Variants in DDX11 observed in about 807,000 individuals in gnomAD.
The protein encoded by DDX11 is DEAD/H-box helicase 11, also known as ATP-dependent DNA helicase DDX11.
DDX11 carries 72 observed loss-of-function variants against 125.2 expected under a neutral mutation model. The observed-to-expected ratio is 0.58, with a 90% CI of 0.48 to 0.70. The LOEUF (loss-of-function observed/expected upper bound fraction) is 0.70, where lower values mean the gene tolerates loss of function less well. DDX11 is among the 30% of genes least tolerant of loss of function. The probability of loss-of-function intolerance (pLI) is 0.00; values close to 1 mark genes in which losing one functional copy is unlikely to be tolerated. For missense variants in DDX11, 883 were observed against 1,165.0 expected, an observed-to-expected ratio of 0.76 and a Z score of 3.52; for synonymous variants, 347 against 452.6, an observed-to-expected ratio of 0.77 and a Z score of 2.96.
At chr12:31,084,437 GA>G in intron 3 of DDX11, 145 bp from the exon 4 acceptor site, 1 of 796,608 alleles carries the variant, frequency 1.3e-6, no homozygotes, top group Non-Finnish European at 2.2e-6. Context: ...GAGGTCCCGG[GA>G]GGGGATGCGG....
At position 31,104,046 on chromosome 12, in the gene DDX11, G is replaced by A. The variant is rs1159026113; in HGVS notation, c.*210G>A. ...GAATCCTGAATGAACAGTGGGTCCT[G>A]GCTGTCCTTGGGGCGTTCCAGGGCA... On this transcript the variant is annotated 3_prime_UTR_variant, in exon 27 of 27. Coordinates refer to ENST00000542838, the MANE Select transcript of DDX11 (RefSeq NM_030653.4). The A allele has an allele frequency of 3.2e-6, 5 of 1,548,506 alleles. No homozygotes were observed. The highest frequency in any genetic ancestry group is 2.4e-5 in the East Asian group (1 of 40,830).
chr12:31,078,187 G>A (rs1941077105), intron 1 of DDX11: 2 of 1,510,950 alleles, frequency 1.3e-6, no homozygotes, highest in South Asian at 2.4e-5. Context: ...GCCGTTAAAT[G>A]CCGCTAGATG....
chr12:31,098,231 C>T (rs1174414294), intron 18 of DDX11, among the ~76,000 whole-genome samples: 1 of 152,260 alleles, frequency 6.6e-6, no homozygotes, highest in Non-Finnish European at 1.5e-5. Flanking sequence ...CCCAGGATCA[C>T]ATGTCTCCCA....
intron 2 of DDX11, 150 bp downstream of exon 2, chr12:31,078,687 G>GTA: frequency 1.1e-5 from 12 of 1,065,062 alleles, no homozygotes; most frequent in Non-Finnish European, 1.6e-5. Flanking sequence ...CTCTATTAAA[G>GTA]TCTTTTTTTT....
intron 14 of DDX11, among the ~76,000 whole-genome samples, chr12:31,095,594 C>G (rs1945080538): frequency 6.6e-6 from 1 of 152,194 alleles, no homozygotes; most frequent in Non-Finnish European, 1.5e-5. Context: ...CTGCCGCCAT[C>G]CCTGCCAGAC....
chr12:31,100,419 G>A, intron 18 of DDX11: 1 of 469,946 alleles, frequency 2.1e-6, no homozygotes, highest in South Asian at 3.4e-5. Context: ...AGATTTGCTG[G>A]ATTTCCTTTG....
chr12:31,100,574 T>C, intron 18 of DDX11, 61 bp from the exon 19 acceptor site: 2 of 1,482,566 alleles, frequency 1.3e-6, no homozygotes, highest in African/African-American at 1.4e-5. Flanking sequence ...GACTTCTCGC[T>C]TCCTTTCTGC....
At chr12:31,101,544 C>G (rs1946381343) in intron 20 of DDX11, 4 of 513,588 alleles carry the variant, frequency 7.8e-6, no homozygotes, top group Non-Finnish European at 1.4e-5. Context: ...GGACCCTGGA[C>G]AGAAGAAGGG....
At chr12:31,094,176 G>A (rs1213257767) in intron 12 of DDX11, 3 of 297,930 alleles carry the variant, frequency 1.0e-5, no homozygotes, top group Non-Finnish European at 1.9e-5. Context: ...AGTGGAAGCT[G>A]CAGAAAGCCT....
At chr12:31,076,167 C>G (rs1056821545) in intron 1 of DDX11, among the ~76,000 whole-genome samples, 3 of 152,100 alleles carry the variant, frequency 2.0e-5, no homozygotes, top group African/African-American at 7.2e-5. Flanking sequence ...GACATGAAGA[C>G]TTTTTACTTG....
At chr12:31,079,689 A>G (rs1248318781) in intron 2 of DDX11, among the ~76,000 whole-genome samples, 9 of 152,078 alleles carry the variant, frequency 5.9e-5, no homozygotes, top group Admixed American at 2.0e-4. Flanking sequence ...CAGTCTCACT[A>G]TGTGGCCCAG....
At chr12:31,092,784 A>G (rs1277979009) in intron 10 of DDX11, 62 bp from the exon 11 acceptor site, 15 of 1,528,282 alleles carry the variant, frequency 9.8e-6, no homozygotes, top group Admixed American at 3.3e-5. Context: ...AGGTGAATCT[A>G]AGATGTCAGT....
rs1942540539 is a variant in DDX11 at position 31,084,046 on chromosome 12, G to T, written c.378G>T (p.Leu126=). The T allele has an allele frequency of 6.2e-7, 1 of 1,613,910 alleles. No homozygotes were observed. ...TGCAGAAGAAAGAAGAGAGGGACCTGGTGGACCGACTAAAGGTGAGACCTG... is the reference window on the plus strand; with the variant it reads ...TGCAGAAGAAAGAAGAGAGGGACCTTGTGGACCGACTAAAGGTGAGACCTG... The part of the protein sequence containing the change: ...QFVQKKEERD[L]VDRLKAEQAR... The change falls in exon 3 of 27, where the codon CTG becomes CTT. Residue 126 remains leucine (L), a synonymous_variant. Transcript: ENST00000542838.
At chr12:31,087,802 G>A (rs61917219) in intron 5 of DDX11, 136 bp from the exon 6 acceptor site, 68 of 1,455,412 alleles carry the variant, frequency 4.7e-5, no homozygotes, top group Admixed American at 1.4e-4. Flanking sequence ...GTTTCTGAGC[G>A]AGCAGCACCT....
At chr12:31,093,166 C>T in intron 11 of DDX11, 79 bp from the exon 12 acceptor site, 1 of 1,441,582 alleles carries the variant, frequency 6.9e-7, no homozygotes, top group African/African-American at 1.4e-5. Flanking sequence ...AGGCACCGGG[C>T]AGCAAGGCTT....
Position 31,099,080 on chromosome 12 carries a change from C to CTTTTTTTTTTTTTTTTTTTTTTTTT in DDX11, c.1875+1086_1875+1087insTTTTTTTTTTTTTTTTTTTTTTTTT, listed in dbSNP as rs1467965765. Among the ~76,000 whole-genome samples, 17 of 81,314 alleles carry CTTTTTTTTTTTTTTTTTTTTTTTTT rather than the reference C, an allele frequency of 2.1e-4. 3 individuals carry two copies. The highest frequency in any genetic ancestry group is 4.4e-4 in the African/African-American group (7 of 15,858). The allele number at this position is 81,314 out of a possible 152,430, so 53.3% of individuals were successfully genotyped here. The stretch of plus-strand genomic sequence containing the variant: ...AATCCATACTGGTATTTCTTTCTTT[C>CTTTTTTTTTTTTTTTTTTTTTTTTT]TTTCTTTTTTTTTTTTTTTTTTTTT... On this transcript the variant is annotated intron_variant, in intron 18 of 26. Coordinates refer to ENST00000542838, the MANE Select transcript of DDX11 (RefSeq NM_030653.4).
intron 2 of DDX11, among the ~76,000 whole-genome samples, chr12:31,082,877 A>G (rs1435765714): frequency 6.6e-6 from 1 of 152,102 alleles, no homozygotes; most frequent in Non-Finnish European, 1.5e-5. Flanking sequence ...TCCTTGGCTT[A>G]TAGGTGGCGT....
intron 1 of DDX11, among the ~76,000 whole-genome samples, chr12:31,075,066 C>T (rs1379433515): frequency 1.3e-5 from 2 of 152,148 alleles, no homozygotes; most frequent in Admixed American, 1.3e-4. Flanking sequence ...CAACTCTAAC[C>T]TCGTTTTATG....
In DDX11 at chr12:31,101,456, A is replaced by C. The variant is rs575731746; in HGVS notation, c.2052+326A>C. Reference sequence around the variant, plus strand: ...GGTTATATCTGCCCCTGCCGGGGGTAGGGATGTGGGGCTTGGGGGCATCTC... The same window carrying C: ...GGTTATATCTGCCCCTGCCGGGGGTCGGGATGTGGGGCTTGGGGGCATCTC... On this transcript the variant is annotated intron_variant, in intron 20 of 26. Coordinates refer to ENST00000542838, the MANE Select transcript of DDX11 (RefSeq NM_030653.4). The C allele has an allele frequency of 3.8e-4, 192 of 498,728 alleles. 1 individual carries two copies. Among genetic ancestry groups the C allele is most frequent in the Middle Eastern group, 1.7e-3 (3 of 1,752 alleles). 30.9% of individuals were successfully genotyped at this position (498,728 alleles called of 1,614,324 possible).
Sources: allele counts gnomAD v4.1 joint callset (sites outside exome capture counted in the v4.1 genomes callset), GRCh38; gene constraint gnomAD v4.1.1; transcripts MANE v1.5; gene names NCBI Gene and HGNC (gene_info 2026-07-23, HGNC 2026-07-21).